OPCML: variants seen among roughly 807,000 people sequenced by gnomAD.
OPCML encodes the protein opioid-binding protein/cell adhesion molecule.
A neutral mutation model predicts 37.8 loss-of-function variants in OPCML; 13 were observed. The ratio of observed to expected loss-of-function variants is 0.34; its 90% CI spans 0.22 to 0.55. The LOEUF (loss-of-function observed/expected upper bound fraction) is 0.55. OPCML is among the 20% of genes least tolerant of loss of function. The pLI is 0.91. For synonymous variants in OPCML, 176 were observed against 168.8 expected (o/e 1.04, Z -0.33); for missense variants, 341 against 435.6 (o/e 0.78, Z 1.93).
intron 4 of OPCML, among the ~76,000 whole-genome samples, chr11:132,526,746 G>A (rs1263233565): frequency 6.6e-6 from 1 of 151,914 alleles, no homozygotes; most frequent in South Asian, 2.1e-4. Context: ...AAATTTAATT[G>A]CAATATAATT....
At chr11:133,049,913 C>T (rs750006310) in intron 1 of OPCML, among the ~76,000 whole-genome samples, 18 of 152,236 alleles carry the variant, frequency 1.2e-4, no homozygotes, top group Non-Finnish European at 2.2e-4. Flanking sequence ...ATGCATGCCT[C>T]TTCTCTCAGT....
At chr11:132,576,286 T>C (rs2096450576) in intron 3 of OPCML, among the ~76,000 whole-genome samples, 1 of 152,092 alleles carries the variant, frequency 6.6e-6, no homozygotes, top group South Asian at 2.1e-4. Context: ...CCATAATGCA[T>C]ATAAGTCCTT....
At chr11:132,582,433 ATCCC>A (rs2096464040) in intron 3 of OPCML, among the ~76,000 whole-genome samples, 2 of 152,080 alleles carry the variant, frequency 1.3e-5, no homozygotes, top group Admixed American at 1.3e-4. Context: ...AGTTTAAATA[ATCCC>A]AGTGATGCAA....
chr11:132,593,194 G>A (rs1160948721), intron 3 of OPCML, among the ~76,000 whole-genome samples: 1 of 152,140 alleles, frequency 6.6e-6, no homozygotes, highest in Non-Finnish European at 1.5e-5. Context: ...ATTCCAGGCA[G>A]GGTGAAGAGA....
chr11:133,411,413 C>G (rs2136868072), intron 1 of OPCML, among the ~76,000 whole-genome samples: 1 of 152,290 alleles, frequency 6.6e-6, no homozygotes, highest in South Asian at 2.1e-4. Context: ...ATGCCTTCCC[C>G]TAACAGAAGA....
chr11:133,093,588 C>T (rs962017976), intron 1 of OPCML, among the ~76,000 whole-genome samples: 15 of 152,150 alleles, frequency 9.9e-5, no homozygotes, highest in African/African-American at 3.6e-4. Flanking sequence ...GAAAATGGGG[C>T]CTAAATTCAA....
At chr11:132,942,375 A>G (rs1193441345) in intron 2 of OPCML, among the ~76,000 whole-genome samples, 1 of 152,196 alleles carries the variant, frequency 6.6e-6, no homozygotes, top group East Asian at 1.9e-4. Flanking sequence ...AACTGCTGTC[A>G]TAATTTACAA....
At chr11:132,542,515 G>T (rs899199915) in intron 3 of OPCML, among the ~76,000 whole-genome samples, 4 of 152,098 alleles carry the variant, frequency 2.6e-5, no homozygotes, top group African/African-American at 9.7e-5. Context: ...CACATCAGCA[G>T]GACAGATTCA....
chr11:132,762,368 C>A (rs958936491), intron 2 of OPCML, among the ~76,000 whole-genome samples: 2 of 152,220 alleles, frequency 1.3e-5, no homozygotes, highest in Non-Finnish European at 2.9e-5. Flanking sequence ...TCTCCTCAGA[C>A]CTGGCAGGCA....
At chr11:133,204,864 A>ATG (rs199964899) in intron 1 of OPCML, among the ~76,000 whole-genome samples, 3,755 of 69,394 alleles carry the variant, frequency 0.054, 160 homozygotes, top group African/African-American at 0.11. Context: ...ATATATATAT[A>ATG]TGTGTATATA....
chr11:132,535,673 G>C (rs750207448), intron 3 of OPCML, among the ~76,000 whole-genome samples: 3 of 152,206 alleles, frequency 2.0e-5, no homozygotes, highest in Non-Finnish European at 2.9e-5. Context: ...GCCAGACCCA[G>C]TGAGAGGGGT....
intron 1 of OPCML, among the ~76,000 whole-genome samples, chr11:133,187,194 T>C (rs904006827): frequency 4.6e-5 from 7 of 151,778 alleles, no homozygotes; most frequent in Non-Finnish European, 1.0e-4. Flanking sequence ...TACAAGGGAG[T>C]CATGGAGGTG....
At chr11:132,669,063 G>A (rs1051139619) in intron 2 of OPCML, among the ~76,000 whole-genome samples, 3 of 152,052 alleles carry the variant, frequency 2.0e-5, no homozygotes, top group Admixed American at 1.3e-4. Flanking sequence ...GTGAAATGCT[G>A]TATTTCTAAA....
intron 2 of OPCML, among the ~76,000 whole-genome samples, chr11:132,829,771 C>T (rs958909594): frequency 1.3e-5 from 2 of 152,212 alleles, no homozygotes; most frequent in African/African-American, 4.8e-5. Context: ...CAAAATCCAT[C>T]AGGTAAAAAC....
At chr11:132,568,412 A>G (rs1030945080) in intron 3 of OPCML, among the ~76,000 whole-genome samples, 1 of 152,224 alleles carries the variant, frequency 6.6e-6, no homozygotes, top group Non-Finnish European at 1.5e-5. Flanking sequence ...TGTCTACCTC[A>G]GAACCTCAGT....
intron 4 of OPCML, among the ~76,000 whole-genome samples, chr11:132,514,878 G>C (rs916298761): frequency 1.3e-5 from 2 of 152,142 alleles, no homozygotes; most frequent in African/African-American, 4.8e-5. Flanking sequence ...AAGTGGCTCA[G>C]ATCTTCACCA....
intron 1 of OPCML, among the ~76,000 whole-genome samples, chr11:133,515,238 G>T (rs1398760514): frequency 6.6e-6 from 1 of 152,138 alleles, no homozygotes; most frequent in Non-Finnish European, 1.5e-5. Flanking sequence ...TGGGAGGAAG[G>T]CAACTCTCTT....
chr11:132,560,086 C>T (rs1448883059), intron 3 of OPCML, among the ~76,000 whole-genome samples: 1 of 152,232 alleles, frequency 6.6e-6, no homozygotes, highest in South Asian at 2.1e-4. Context: ...TTTGTATGTG[C>T]CTATTGTGGG....
chr11:132,885,941 AACAC>A (rs927260673), intron 2 of OPCML, among the ~76,000 whole-genome samples: 1 of 151,776 alleles, frequency 6.6e-6, no homozygotes, highest in African/African-American at 2.4e-5. Context: ...ACGAGACAGA[AACAC>A]ACACACACAA....
Sources: allele counts gnomAD v4.1 joint callset (sites outside exome capture counted in the v4.1 genomes callset), GRCh38; gene constraint gnomAD v4.1.1; transcripts MANE v1.5; gene names NCBI Gene and HGNC (gene_info 2026-07-23, HGNC 2026-07-21).